Variants in TGM7 observed in about 807,000 individuals in gnomAD.
The protein encoded by TGM7 is protein-glutamine gamma-glutamyltransferase Z.
TGM7 carries 74 observed loss-of-function variants against 79.5 expected under a neutral mutation model. The observed-to-expected ratio is 0.93, with a 90% CI of 0.77 to 1.13. The LOEUF (loss-of-function observed/expected upper bound fraction) is 1.13. Ranked by LOEUF, TGM7 falls within the 50% of genes most tolerant of loss-of-function variation. TGM7 has a pLI of 0.00. For synonymous variants in TGM7, 354 were observed against 362.5 expected, an observed-to-expected ratio of 0.98 and a Z score of 0.27; for missense variants, 912 against 905.9, an observed-to-expected ratio of 1.01 and a Z score of -0.09.
chr15:43,284,343 T>TAC (rs10654403), intron 7 of TGM7, among the ~76,000 whole-genome samples: 69,042 of 150,508 alleles, frequency 0.46, 19,318 homozygotes, highest in African/African-American at 0.8. Context: ...TGCACAGAGA[T>TAC]ACACACACAC....
intron 6 of TGM7, 116 bp from the exon 7 acceptor site, chr15:43,285,068 C>A: frequency 1.7e-6 from 2 of 1,153,972 alleles, no homozygotes; most frequent in Non-Finnish European, 1.2e-6. Context: ...CTTACGGAAC[C>A]ACACCAGTAA....
chr15:43,279,182 C>T lies in TGM7; in HGVS notation c.1774G>A (p.Glu592Lys), dbSNP rs765562286. The T allele has an allele frequency of 1.2e-6, 2 of 1,614,200 alleles. No individual in the cohort carries two copies. Among genetic ancestry groups the T allele is most frequent in the Admixed American group, 3.3e-5 (2 of 60,032 alleles). The change falls in exon 11 of 13, where the codon GAG (glutamate) becomes AAG (lysine). Residue 592 changes from glutamate (E) to lysine (K), a missense_variant. By Grantham distance (56) the Glu-to-Lys change is moderately conservative. Coordinates refer to ENST00000452443, the MANE Select transcript of TGM7 (RefSeq NM_052955.3). ...AGGACCAGCATGGACCTCCCTGTCT[C>T]TTCAACCTCCGCGATGCCAGACACG... ...IRVSGIAEVE[E>K]TGRSMLVLKD...
intron 7 of TGM7, among the ~76,000 whole-genome samples, chr15:43,282,942 C>G (rs187158575): frequency 6.6e-6 from 1 of 152,020 alleles, no homozygotes; most frequent in Non-Finnish European, 1.5e-5. Context: ...CCCAGCTACT[C>G]GGGAGGCTGA....
At chr15:43,294,698 A>G (rs1489194314) in intron 1 of TGM7, among the ~76,000 whole-genome samples, 2 of 152,216 alleles carry the variant, frequency 1.3e-5, no homozygotes, top group Non-Finnish European at 2.9e-5. Context: ...ACATCAGTTT[A>G]TCTCAGTGGT....
rs1197702142 is a variant in TGM7 at position 43,293,537 on chromosome 15, C to A, written c.105G>T (p.Val35=). The A allele has an allele frequency of 1.2e-6, 2 of 1,609,376 alleles. No homozygotes were observed. The highest frequency in any genetic ancestry group is 1.7e-5 in the Admixed American group (1 of 59,746). ...TQEMGVKRLT[V]RRGQPFYLRL... is the part of the protein sequence containing the mutation. ...GGAGGTAGAAGGGCTGGCCGCGGCGCACAGTGAGCCGCTTGACGCCCATCT... is the reference window on the plus strand; with the variant it reads ...GGAGGTAGAAGGGCTGGCCGCGGCGAACAGTGAGCCGCTTGACGCCCATCT... Residue 35 remains valine, a synonymous_variant, in exon 2 of 13, where the codon GTG becomes GTT. Coordinates refer to ENST00000452443, the MANE Select transcript of TGM7 (RefSeq NM_052955.3).
chr15:43,279,099 C>T lies in TGM7; in HGVS notation c.1839+18G>A, dbSNP rs769869403. On this transcript the variant is annotated intron_variant, in intron 11 of 12. Transcript: ENST00000452443. ...GAGTCAGAGAGCCTCAGAGCCCCCA[C>T]CCATGTCCAGACACTACCTCAATAG... 6 of 1,604,618 alleles carry T rather than the reference C, an allele frequency of 3.7e-6. No homozygotes were observed. Among genetic ancestry groups the T allele is most frequent in the Admixed American group, 1.7e-5 (1 of 59,412 alleles).
chr15:43,280,056 GC>G, intron 9 of TGM7, 105 bp from the exon 10 acceptor site: 1 of 1,040,278 alleles, frequency 9.6e-7, no homozygotes, highest in Non-Finnish European at 1.4e-6. Flanking sequence ...GGGAGGCGGC[GC>G]GGCTCAGGTG....
intron 9 of TGM7, 58 bp downstream of exon 9, chr15:43,281,786 C>A: frequency 6.3e-7 from 1 of 1,593,060 alleles, no homozygotes; most frequent in Admixed American, 1.7e-5. Flanking sequence ...GCCATCCCAG[C>A]TAGGAAGCAT....
intron 7 of TGM7, 148 bp downstream of exon 7, chr15:43,284,665 TG>T: frequency 2.1e-6 from 2 of 964,508 alleles, no homozygotes; most frequent in South Asian, 1.6e-5. Context: ...AACAGCCTCC[TG>T]GGTTGGGGAA....
At chr15:43,279,072 G>A (rs758473422) in intron 11 of TGM7, 45 bp downstream of exon 11, 4 of 1,578,890 alleles carry the variant, frequency 2.5e-6, no homozygotes, top group Non-Finnish European at 3.4e-6. Context: ...CCTGGATTGG[G>A]TGAGTCAGAG....
In TGM7 at chr15:43,276,478, C is replaced by T. The variant is rs1217529933; in HGVS notation, c.2110G>A (p.Val704Ile). The T allele has an allele frequency of 3.7e-6, 6 of 1,613,512 alleles. No individual in the cohort carries two copies. The highest frequency in any genetic ancestry group is 1.6e-4 in the Middle Eastern group (1 of 6,078). The change falls in exon 13 of 13, where the codon GTC becomes ATC. Residue 704 changes from valine (V) to isoleucine (I), a missense_variant. By Grantham distance (29) the Val-to-Ile change is conservative. Transcript: ENST00000452443. Reference protein sequence around the residue: ...KEIKGYKDIFVTVAGAP With the variant: ...KEIKGYKDIFITVAGAP ...TCTCAGGGAGCCCCAGCCACAGTGACGAAGATGTCCTTGTAGCCTTTGATC... is the reference window on the plus strand; with the variant it reads ...TCTCAGGGAGCCCCAGCCACAGTGATGAAGATGTCCTTGTAGCCTTTGATC...
intron 6 of TGM7, among the ~76,000 whole-genome samples, chr15:43,286,956 C>T (rs962687687): frequency 6.6e-6 from 1 of 152,324 alleles, no homozygotes; most frequent in South Asian, 2.1e-4. Context: ...GCCAGGCTCA[C>T]CCTGAGCTGA....
intron 7 of TGM7, among the ~76,000 whole-genome samples, chr15:43,283,926 G>C (rs1009900144): frequency 4.6e-5 from 7 of 152,218 alleles, no homozygotes; most frequent in African/African-American, 1.4e-4. Flanking sequence ...CTTACCTGGA[G>C]GCTGGGTGCG....
chr15:43,297,498 A>G (rs1257781539), intron 1 of TGM7, among the ~76,000 whole-genome samples: 6 of 134,866 alleles, frequency 4.4e-5, no homozygotes, highest in Non-Finnish European at 9.1e-5. Flanking sequence ...AGAAAGAAAA[A>G]GAAAGAAAGA....
At chr15:43,287,745 C>T in intron 4 of TGM7, 76 bp from the exon 5 acceptor site, 3 of 1,529,504 alleles carry the variant, frequency 2.0e-6, no homozygotes, top group Admixed American at 2.0e-5. Flanking sequence ...CACTAACAGA[C>T]TTTTGGGGAT....
intron 4 of TGM7, among the ~76,000 whole-genome samples, chr15:43,288,075 G>T (rs779901988): frequency 9.0e-4 from 137 of 152,154 alleles, no homozygotes; most frequent in Non-Finnish European, 1.6e-3. Context: ...AGGACTTGAA[G>T]AAGCAGGGAA....
chr15:43,276,847 A>T lies in TGM7; in HGVS notation c.1973+15T>A. ...TGAGACCAGCAAGGGGGAGGTGGGC[A>T]GAAGCGTCACTTACTCCTTTGCTAT... On this transcript the variant is annotated intron_variant, in intron 12 of 12. Coordinates refer to ENST00000452443, the MANE Select transcript of TGM7 (RefSeq NM_052955.3). 6.2e-7 allele frequency: 1 copy of T among 1,612,720 alleles called. No homozygotes were observed.
intron 1 of TGM7, 112 bp from the exon 2 acceptor site, chr15:43,293,743 G>C: frequency 1.1e-5 from 1 of 91,604 alleles, no homozygotes; most frequent in Non-Finnish European, 2.1e-5. Flanking sequence ...GGGCGTGCGG[G>C]GGGTAGGTGG....
rs749406313 is a variant in TGM7 at position 43,281,847 on chromosome 15, C to T, written c.1348G>A (p.Glu450Lys). The stretch of plus-strand genomic sequence containing the variant: ...TCCCCAAATACCCGCCCAGCACCTT[C>T]TGGGTACTTGTAGGAGCTGGTGATG... The part of the protein sequence containing the change: ...QSITSSYKYP[E>K]GSPEERAVFM... Residue 450 changes from glutamate to lysine, a missense_variant, in exon 9 of 13, where the codon GAA becomes AAA. Physicochemically the swap from Glu to Lys is moderately conservative, Grantham distance 56 (BLOSUM62 1). Transcript: ENST00000452443. 4.3e-6 allele frequency: 7 copies of T among 1,614,036 alleles called. No homozygotes were observed. Among genetic ancestry groups the T allele is most frequent in the Non-Finnish European group, 5.9e-6 (7 of 1,179,890 alleles).
Sources: gnomAD v4.1 joint callset for allele counts (sites outside exome capture counted in the v4.1 genomes callset) on GRCh38, gnomAD v4.1.1 for gene constraint, MANE v1.5 for transcripts, NCBI Gene and HGNC (gene_info 2026-07-23, HGNC 2026-07-21) for gene names.